TMPRSS11A: variants seen among roughly 807,000 people sequenced by gnomAD.
TMPRSS11A encodes transmembrane protease serine 11A.
Under a neutral mutation model 58.9 loss-of-function variants are expected in TMPRSS11A, and 53 were observed. The observed-to-expected ratio is 0.90, with a 90% confidence interval of 0.72 to 1.13. TMPRSS11A has a LOEUF of 1.13. Among genes scored for constraint, TMPRSS11A ranks in the 50% most tolerant of loss-of-function variants. The pLI is 0.00. For synonymous variants in TMPRSS11A, 167 were observed against 169.8 expected (o/e 0.98, Z 0.13); for missense variants, 493 against 499.3 (o/e 0.99, Z 0.12).
chr4:67,924,004 G>T, intron 6 of TMPRSS11A, 124 bp downstream of exon 6: 2 of 843,724 alleles, frequency 2.4e-6, no homozygotes, highest in Non-Finnish European at 2.0e-6. Context: ...TAAATCTATC[G>T]TACAAATAGT....
chr4:67,954,085 G>A (rs1376911997), intron 1 of TMPRSS11A, among the ~76,000 whole-genome samples: 1 of 152,082 alleles, frequency 6.6e-6, no homozygotes, highest in South Asian at 2.1e-4. Flanking sequence ...CTGAGTTCAA[G>A]GAACTCAGGG....
intron 9 of TMPRSS11A, among the ~76,000 whole-genome samples, chr4:67,913,313 G>A (rs905988955): frequency 2.6e-5 from 4 of 152,162 alleles, no homozygotes; most frequent in Non-Finnish European, 4.4e-5. Flanking sequence ...GGAGAAAGAC[G>A]AGGTGTTGGT....
At chr4:67,926,920 G>C (rs1167317402) in intron 5 of TMPRSS11A, among the ~76,000 whole-genome samples, 3 of 152,186 alleles carry the variant, frequency 2.0e-5, no homozygotes, top group Non-Finnish European at 4.4e-5. Flanking sequence ...ACTGCCTACT[G>C]TGTGCTGAAA....
Position 67,949,895 on chromosome 4 carries a change from A to T in TMPRSS11A, c.12-3324T>A, listed in dbSNP as rs78856213. 8.6e-3 allele frequency among the ~76,000 whole-genome samples: 1,313 copies of T among 152,290 alleles called. 19 individuals carry two copies. The highest frequency in any genetic ancestry group is 0.03 in the African/African-American group (1,241 of 41,584). On this transcript the variant is annotated intron_variant, in intron 1 of 9. Coordinates refer to ENST00000508048, the MANE Select transcript of TMPRSS11A (RefSeq NM_001114387.2). ...ATCACCTTCTCATTCTGCAGAGGCC[A>T]TATTAGTCATTTGTGTAATATTACT...
intron 6 of TMPRSS11A, 142 bp downstream of exon 6, chr4:67,923,986 A>AAT (rs943719011): frequency 2.5e-6 from 2 of 789,660 alleles, no homozygotes; most frequent in African/African-American, 3.5e-5. Flanking sequence ...TTAGAAAAAA[A>AAT]ATGTATTTAA....
intron 1 of TMPRSS11A, among the ~76,000 whole-genome samples, chr4:67,954,919 G>A (rs1019583148): frequency 6.6e-6 from 1 of 152,148 alleles, no homozygotes; most frequent in Non-Finnish European, 1.5e-5. Flanking sequence ...CATATTAAAT[G>A]TAACCTACAT....
chr4:67,934,679 C>T (rs1720707706), intron 3 of TMPRSS11A, among the ~76,000 whole-genome samples: 1 of 152,018 alleles, frequency 6.6e-6, no homozygotes, highest in South Asian at 2.1e-4. Flanking sequence ...AGATTAAGTT[C>T]CAAGAGGGCA....
In TMPRSS11A at chr4:67,960,058, G is replaced by A. The variant is rs186357856; in HGVS notation, c.11+3325C>T. Among the ~76,000 whole-genome samples the A allele has an allele frequency of 5.3e-5, 8 of 152,192 alleles. No individual in the cohort carries two copies. In the East Asian group the frequency reaches 1.5e-3, roughly 29 times the overall value. ...CCATAATCCTAAGCAAACTAATGCA[G>A]GAACAGAAAACCAAATACCACATGC... On this transcript the variant is annotated intron_variant, in intron 1 of 9. Transcript: ENST00000508048.
At chr4:67,929,449 GA>G (rs1720553943) in intron 5 of TMPRSS11A, among the ~76,000 whole-genome samples, 1 of 151,964 alleles carries the variant, frequency 6.6e-6, no homozygotes, top group Non-Finnish European at 1.5e-5. Flanking sequence ...ATGCCCATAG[GA>G]AAAAAAGCTA....
chr4:67,945,913 A>C (rs973877500), intron 2 of TMPRSS11A, among the ~76,000 whole-genome samples: 2 of 152,146 alleles, frequency 1.3e-5, no homozygotes, highest in African/African-American at 4.8e-5. Flanking sequence ...GAAAGAGTAA[A>C]ATTTTTTTTC....
chr4:67,957,012 T>C (rs999107195), intron 1 of TMPRSS11A, among the ~76,000 whole-genome samples: 2 of 152,210 alleles, frequency 1.3e-5, no homozygotes, highest in Non-Finnish European at 2.9e-5. Context: ...GGAGTTTCCC[T>C]GCACAAGCTC....
intron 3 of TMPRSS11A, among the ~76,000 whole-genome samples, chr4:67,943,471 T>C (rs1483152729): frequency 6.6e-6 from 1 of 152,156 alleles, no homozygotes; most frequent in African/African-American, 2.4e-5. Context: ...GGAGGTTATG[T>C]GGAGTCACTT....
At chr4:67,926,857 G>A (rs887676599) in intron 5 of TMPRSS11A, among the ~76,000 whole-genome samples, 1 of 152,128 alleles carries the variant, frequency 6.6e-6, no homozygotes, top group Non-Finnish European at 1.5e-5. Flanking sequence ...GAGGTGACTG[G>A]GAGACCATGG....
At position 67,909,682 on chromosome 4, in the gene TMPRSS11A, T is replaced by C. The variant is rs1457652345; in HGVS notation, c.*1660A>G. The stretch of plus-strand genomic sequence containing the variant: ...TGAATCTCGTCATTTAAAATTCTTA[T>C]CTTAAGAGTTTTCTATCTTAATACA... On this transcript the variant is annotated 3_prime_UTR_variant, in exon 10 of 10. Transcript: ENST00000508048. The C allele has an allele frequency of 6.6e-5, 10 of 152,196 alleles. No homozygotes were observed. The highest frequency in any genetic ancestry group is 5.9e-5 in the Non-Finnish European group (4 of 68,000). The allele number at this position is 152,196 out of a possible 1,614,324, so 9.4% of individuals were successfully genotyped here.
chr4:67,940,597 C>A (rs1480044689), intron 3 of TMPRSS11A, among the ~76,000 whole-genome samples: 3 of 152,162 alleles, frequency 2.0e-5, no homozygotes, highest in Non-Finnish European at 2.9e-5. Context: ...TTACCTCTAT[C>A]ATTTCTGATC....
At chr4:67,955,676 A>T (rs982087365) in intron 1 of TMPRSS11A, among the ~76,000 whole-genome samples, 1 of 152,074 alleles carries the variant, frequency 6.6e-6, no homozygotes, top group Non-Finnish European at 1.5e-5. Context: ...CTCATCCACG[A>T]ATTTTTGTTT....
chr4:67,932,205 C>A (rs1220403057), intron 3 of TMPRSS11A, 145 bp from the exon 4 acceptor site: 2 of 547,384 alleles, frequency 3.7e-6, no homozygotes, highest in Admixed American at 6.2e-5. Context: ...TTTCACAGTG[C>A]AACAGAATCA....
At chr4:67,921,176 C>T (rs1355483752) in intron 7 of TMPRSS11A, among the ~76,000 whole-genome samples, 1 of 152,034 alleles carries the variant, frequency 6.6e-6, no homozygotes, top group African/African-American at 2.4e-5. Flanking sequence ...AAAAATAGAA[C>T]TATCTACCAC....
At chr4:67,915,959 G>T (rs1034926048) in intron 8 of TMPRSS11A, among the ~76,000 whole-genome samples, 1 of 152,172 alleles carries the variant, frequency 6.6e-6, no homozygotes, top group Non-Finnish European at 1.5e-5. Context: ...TATATCATCA[G>T]CTATAGTCAC....
Sources: allele counts gnomAD v4.1 joint callset (sites outside exome capture counted in the v4.1 genomes callset), GRCh38; gene constraint gnomAD v4.1.1; transcripts MANE v1.5; gene names NCBI Gene and HGNC (gene_info 2026-07-23, HGNC 2026-07-21).